Variants in PRKCE observed in about 807,000 individuals in gnomAD.
PRKCE encodes protein kinase C epsilon.
Under a neutral mutation model 85.4 loss-of-function variants are expected in PRKCE, and 16 were observed. That is an observed-to-expected ratio of 0.19 (90% CI 0.13 to 0.28). The LOEUF (loss-of-function observed/expected upper bound fraction) is 0.28. Ranked by LOEUF, PRKCE falls within the 10% of genes least tolerant of loss-of-function variation. The pLI is 1.00. For missense variants in PRKCE, 573 were observed against 975.2 expected, an observed-to-expected ratio of 0.59 and a Z score of 5.49; for synonymous variants, 388 against 371.5, an observed-to-expected ratio of 1.04 and a Z score of -0.51.
At chr2:46,123,148 C>CAAAAAA (rs71394873) in intron 11 of PRKCE, among the ~76,000 whole-genome samples, 2 of 84,294 alleles carry the variant, frequency 2.4e-5, no homozygotes, top group African/African-American at 4.8e-5. Flanking sequence ...AGTTCACTAG[C>CAAAAAA]AAAAAAAAAA....
At chr2:45,893,235 A>C (rs967742038) in intron 2 of PRKCE, among the ~76,000 whole-genome samples, 1 of 152,162 alleles carries the variant, frequency 6.6e-6, no homozygotes, top group Admixed American at 6.5e-5. Context: ...ATAGAAGGGC[A>C]TGACCTGTGA....
Position 46,178,121 on chromosome 2 carries a change from G to A in PRKCE, c.2068-6614G>A, listed in dbSNP as rs191322790. On this transcript the variant is annotated intron_variant, in intron 14 of 14. Coordinates refer to ENST00000306156, the MANE Select transcript of PRKCE (RefSeq NM_005400.3). The stretch of plus-strand genomic sequence containing the variant: ...CTAAAAATACAAAAGCTAGCCAGGC[G>A]TGGTGGCACATGCCTGTAATCCCAG... 2.6e-5 allele frequency among the ~76,000 whole-genome samples: 4 copies of A among 152,342 alleles called. No individual in the cohort carries two copies. The Middle Eastern group carries it at 0.01, about 389-fold the overall frequency.
intron 11 of PRKCE, among the ~76,000 whole-genome samples, chr2:46,095,975 C>T (rs1034488844): frequency 7.9e-5 from 12 of 152,200 alleles, no homozygotes; most frequent in South Asian, 6.2e-4. Context: ...CTCTTACTGT[C>T]CACTGGATTT....
intron 2 of PRKCE, among the ~76,000 whole-genome samples, chr2:45,953,840 C>T (rs972149705): frequency 2.0e-5 from 3 of 152,128 alleles, no homozygotes; most frequent in African/African-American, 7.2e-5. Context: ...GTTGAGAGCC[C>T]GTGTTGTGCA....
At chr2:45,938,924 C>T (rs7578578) in intron 2 of PRKCE, among the ~76,000 whole-genome samples, 91,456 of 151,908 alleles carry the variant, frequency 0.6, 28,244 homozygotes, top group Middle Eastern at 0.7. Flanking sequence ...CTCTTTCTAG[C>T]ACATTCAGCG....
chr2:46,107,501 G>A (rs550247795), intron 11 of PRKCE, among the ~76,000 whole-genome samples: 1 of 152,250 alleles, frequency 6.6e-6, no homozygotes, highest in South Asian at 2.1e-4. Context: ...TGATGATTAT[G>A]AGTAAAGCTA....
intron 2 of PRKCE, 109 bp from the exon 3 acceptor site, chr2:45,976,320 C>A: frequency 7.6e-7 from 1 of 1,321,514 alleles, no homozygotes; most frequent in Non-Finnish European, 1.0e-6. Context: ...TACCTCTCAC[C>A]CACCCCAGCT....
At chr2:45,991,953 G>A (rs1166168329) in intron 6 of PRKCE, among the ~76,000 whole-genome samples, 2 of 152,170 alleles carry the variant, frequency 1.3e-5, no homozygotes, top group Non-Finnish European at 2.9e-5. Context: ...ACTACTTTCC[G>A]TAGAGTTAGA....
intron 2 of PRKCE, among the ~76,000 whole-genome samples, chr2:45,949,886 GT>G (rs35200982): frequency 4.8e-4 from 34 of 71,078 alleles, no homozygotes; most frequent in South Asian, 2.8e-3. Flanking sequence ...ATTCTTTGTT[GT>G]TTTTTTTTTT....
chr2:45,654,510 G>A (rs1009834265), intron 1 of PRKCE, among the ~76,000 whole-genome samples: 8 of 152,176 alleles, frequency 5.3e-5, no homozygotes, highest in African/African-American at 1.2e-4. Flanking sequence ...GGCCCTCACC[G>A]CCTGTTGCCC....
intron 11 of PRKCE, among the ~76,000 whole-genome samples, chr2:46,128,175 A>G (rs1674053550): frequency 6.6e-6 from 1 of 152,020 alleles, no homozygotes; most frequent in Non-Finnish European, 1.5e-5. Context: ...TGTTATTGTC[A>G]TTTGCCATTG....
chr2:45,830,154 A>C (rs1040410638), intron 1 of PRKCE, among the ~76,000 whole-genome samples: 1 of 152,096 alleles, frequency 6.6e-6, no homozygotes, highest in Admixed American at 6.5e-5. Context: ...CTAGCAAAGC[A>C]TTGTGGGTAT....
intron 1 of PRKCE, among the ~76,000 whole-genome samples, chr2:45,791,367 G>A (rs1232775323): frequency 6.6e-6 from 1 of 152,206 alleles, no homozygotes; most frequent in Non-Finnish European, 1.5e-5. Context: ...GAGCACGTGG[G>A]GGTCCTGGTC....
intron 1 of PRKCE, among the ~76,000 whole-genome samples, chr2:45,699,210 C>T (rs571625640): frequency 1.3e-5 from 2 of 152,202 alleles, no homozygotes; most frequent in East Asian, 3.9e-4. Flanking sequence ...AGGGGCTCCC[C>T]CTAATCCCCA....
Position 45,652,251 on chromosome 2 carries a change from A to G in PRKCE, c.151A>G (p.Ile51Val), listed in dbSNP as rs1675158541. The G allele has an allele frequency of 6.2e-7, 1 of 1,613,264 alleles. No homozygotes were observed. The highest frequency in any genetic ancestry group is 1.7e-5 in the Admixed American group (1 of 59,988). Reference protein sequence around the residue: ...YIALNVDDSRIGQTATKQKTN... With the variant: ...YIALNVDDSRVGQTATKQKTN... ...TGCCCTCAATGTGGACGACTCGCGC[A>G]TCGGCCAAACGGCCACCAAGCAGAA... Residue 51 changes from isoleucine (I) to valine (V), a missense_variant, in exon 1 of 15, where the codon ATC becomes GTC. By Grantham distance (29) the Ile-to-Val change is conservative. Transcript: ENST00000306156. The surrounding 1 kb of genome is among the most constrained non-coding windows in gnomAD (Gnocchi z 7.7).
At chr2:45,804,343 G>A (rs772008092) in intron 1 of PRKCE, among the ~76,000 whole-genome samples, 25 of 152,170 alleles carry the variant, frequency 1.6e-4, no homozygotes, top group Non-Finnish European at 2.9e-4. Context: ...AAAACCACCA[G>A]TGTGCAGGCC....
Position 45,655,001 on chromosome 2 carries a change from G to T in PRKCE, c.348+2553G>T, listed in dbSNP as rs921034877. Among the ~76,000 whole-genome samples, 9 of 152,244 alleles carry T rather than the reference G, an allele frequency of 5.9e-5. No homozygotes were observed. The East Asian group carries it at 1.7e-3, about 29-fold the overall frequency. On this transcript the variant is annotated intron_variant, in intron 1 of 14. Transcript: ENST00000306156. ...AAACACACCCTTCTCAGGTGTGGCT[G>T]AGAGATCTGGCCTGAAGTAAGGGGA...
chr2:45,983,291 CG>C lies in PRKCE; in HGVS notation c.694-1255del, dbSNP rs1354304644. Among the ~76,000 whole-genome samples the C allele has an allele frequency of 1.4e-4, 21 of 152,278 alleles. No homozygotes were observed. In the East Asian group the frequency reaches 3.5e-3, roughly 25 times the overall value. ...CATTTCACCCCTCATTAGTCCCCCA[CG>C]GGGGCCTGTTACTTATCAGTCAGCC... On this transcript the variant is annotated intron_variant, in intron 5 of 14. Coordinates refer to ENST00000306156, the MANE Select transcript of PRKCE (RefSeq NM_005400.3).
At chr2:46,169,772 G>A (rs555152708) in intron 14 of PRKCE, among the ~76,000 whole-genome samples, 1 of 152,190 alleles carries the variant, frequency 6.6e-6, no homozygotes, top group South Asian at 2.1e-4. Context: ...GGCAGACTCA[G>A]ACTATAGGGA....
Sources: allele counts gnomAD v4.1 joint callset (sites outside exome capture counted in the v4.1 genomes callset), GRCh38; gene constraint gnomAD v4.1.1; non-coding constraint Gnocchi (gnomAD v3.1); transcripts MANE v1.5; gene names NCBI Gene and HGNC (gene_info 2026-07-23, HGNC 2026-07-21).